USP46: variants seen among roughly 807,000 people sequenced by gnomAD.
USP46 encodes ubiquitin carboxyl-terminal hydrolase 46.
USP46 carries 12 observed loss-of-function variants against 44.4 expected under a neutral mutation model. The ratio of observed to expected loss-of-function variants is 0.27; its 90% confidence interval spans 0.17 to 0.44. USP46 has a LOEUF of 0.44. USP46 is among the 20% of genes least tolerant of loss of function. The pLI, the probability that USP46 is intolerant of heterozygous loss-of-function variation, is 1.00. For missense variants in USP46, 248 were observed against 444.8 expected, an observed-to-expected ratio of 0.56 and a Z score of 3.98; for synonymous variants, 155 against 161.5, an observed-to-expected ratio of 0.96 and a Z score of 0.31.
rs1447451845 is a variant in USP46, at chr4:52,591,169, T to C, written c.*6471A>G. The C allele has an allele frequency of 6.6e-6, 1 of 152,224 alleles. No homozygotes were observed. Among genetic ancestry groups the C allele is most frequent in the Non-Finnish European group, 1.5e-5 (1 of 68,050 alleles). 9.4% of individuals were successfully genotyped at this position (152,224 alleles called of 1,614,324 possible). A position where few individuals can be genotyped will look rare whatever the true frequency, so the allele number is the denominator to read the frequency against. On this transcript the variant is annotated 3_prime_UTR_variant, in exon 9 of 9. Coordinates refer to ENST00000441222, the MANE Select transcript of USP46 (RefSeq NM_022832.4). ...GTGAAGGCTCATTCTTAAAGTTTTC[T>C]CACGTTTATTTTCCATTTTCTTAGC...
chr4:52,643,868 C>T (rs971057906), intron 1 of USP46, among the ~76,000 whole-genome samples: 3 of 152,316 alleles, frequency 2.0e-5, no homozygotes, highest in South Asian at 4.1e-4. Flanking sequence ...TATGTAAATT[C>T]GGTTCCTGAG....
intron 4 of USP46, among the ~76,000 whole-genome samples, chr4:52,618,871 A>C (rs1023622344): frequency 2.6e-5 from 4 of 152,234 alleles, no homozygotes; most frequent in Admixed American, 2.6e-4. Flanking sequence ...AAACAAAGCA[A>C]TGAGGAGCTG....
intron 5 of USP46, 149 bp downstream of exon 5, chr4:52,610,392 A>G (rs1716895392): frequency 1.4e-6 from 1 of 694,816 alleles, no homozygotes; most frequent in African/African-American, 1.8e-5. Context: ...CAGACCACAT[A>G]ATCGCTCTTG....
chr4:52,610,928 T>A (rs748664822), intron 4 of USP46, among the ~76,000 whole-genome samples: 12 of 152,138 alleles, frequency 7.9e-5, no homozygotes, highest in Non-Finnish European at 1.8e-4. Flanking sequence ...TTATTAAATA[T>A]CCATATAGCC....
intron 1 of USP46, among the ~76,000 whole-genome samples, chr4:52,657,871 C>G (rs560000338): frequency 3.3e-5 from 5 of 152,334 alleles, no homozygotes; most frequent in Non-Finnish European, 7.3e-5. Flanking sequence ...AATTCCACCC[C>G]TGAGCTAACA....
chr4:52,655,327 T>G (rs1718911094), intron 1 of USP46: 1 of 152,264 alleles, frequency 6.6e-6, no homozygotes, highest in Admixed American at 6.5e-5. Context: ...GAGTATAGTC[T>G]GTGCCAACAC....
At chr4:52,635,281 C>T (rs1718068265) in intron 1 of USP46, among the ~76,000 whole-genome samples, 1 of 152,162 alleles carries the variant, frequency 6.6e-6, no homozygotes, top group Non-Finnish European at 1.5e-5. Context: ...TACGATCTGG[C>T]AAGAAAGCCA....
At chr4:52,658,239 C>G (rs1719028733) in intron 1 of USP46, 1 of 455,958 alleles carries the variant, frequency 2.2e-6, no homozygotes, top group African/African-American at 2.0e-5. Context: ...AGTGGAGGCG[C>G]CAGCAGGGTC....
At chr4:52,611,612 C>T (rs144319011) in intron 4 of USP46, among the ~76,000 whole-genome samples, 2 of 152,112 alleles carry the variant, frequency 1.3e-5, no homozygotes, top group Non-Finnish European at 2.9e-5. Flanking sequence ...GGGGGCCAGG[C>T]GTGGTGGCTC....
intron 4 of USP46, among the ~76,000 whole-genome samples, chr4:52,624,150 T>C (rs1159443748): frequency 6.6e-6 from 1 of 152,070 alleles, no homozygotes; most frequent in East Asian, 1.9e-4. Context: ...GTGTTAACAA[T>C]CACTGATCCT....
intron 6 of USP46, 93 bp downstream of exon 6, chr4:52,604,392 GGCTACAAGCCCAGGTA>G: frequency 3.5e-6 from 3 of 859,902 alleles, no homozygotes; most frequent in Non-Finnish European, 5.5e-6. Flanking sequence ...AAGGCTCCAT[GGCTACAAGCCCAGGTA>G]GCTGAGATTG....
At chr4:52,653,252 T>A (rs550259197) in intron 1 of USP46, among the ~76,000 whole-genome samples, 1 of 152,224 alleles carries the variant, frequency 6.6e-6, no homozygotes, top group African/African-American at 2.4e-5. Context: ...ACACCTATAA[T>A]CCTAGCACTT....
intron 4 of USP46, among the ~76,000 whole-genome samples, chr4:52,616,874 G>T (rs1717171599): frequency 6.6e-6 from 1 of 152,178 alleles, no homozygotes; most frequent in African/African-American, 2.4e-5. Context: ...TCTAATTAGT[G>T]TATGGATCAA....
chr4:52,659,035 G>A lies in USP46; in HGVS notation c.36+80C>T, dbSNP rs1719069307. 13 of 1,467,078 alleles carry A rather than the reference G, an allele frequency of 8.9e-6. No individual in the cohort carries two copies. The South Asian group carries it at 9.1e-5, about 10-fold the overall frequency. The allele number at this position is 1,467,078 out of a possible 1,614,324, so 90.9% of individuals were successfully genotyped here. ...CGCCGCCCCCGCCGCCCCAGCCACCGGGCGTGTGTGCAGCTCGGGCTTCCC... is the reference window on the plus strand; with the variant it reads ...CGCCGCCCCCGCCGCCCCAGCCACCAGGCGTGTGTGCAGCTCGGGCTTCCC... On this transcript the variant is annotated intron_variant, in intron 1 of 8. Coordinates refer to ENST00000441222, the MANE Select transcript of USP46 (RefSeq NM_022832.4). The surrounding 1 kb of genome is among the most constrained non-coding windows in gnomAD (Gnocchi z 4.2).
At position 52,597,660 on chromosome 4, in the gene USP46, A is replaced by G. The variant is rs1342693945; in HGVS notation, c.1081T>C (p.Phe361Leu). 2 of 1,591,798 alleles carry G rather than the reference A, an allele frequency of 1.3e-6. No homozygotes were observed. The highest frequency in any genetic ancestry group is 1.7e-6 in the Non-Finnish European group (2 of 1,167,608). ...SKNSESGYIL[F>L]YQSRE Reference sequence around the variant, plus strand: ...TTCAGTTACTCTCTTGACTGATAGAATAAAATATATCCAGATTCTGAATTT... The same window carrying G: ...TTCAGTTACTCTCTTGACTGATAGAGTAAAATATATCCAGATTCTGAATTT... Residue 361 changes from phenylalanine (F) to leucine (L), a missense_variant, in exon 9 of 9, where the codon TTC becomes CTC. This residue lies in a region of USP46 where 28 missense variants were observed against 28.5 expected (regional missense o/e 0.98). Transcript: ENST00000441222.
chr4:52,632,981 AAAGAAAAGAAAAGAAAGAAAGAAAGAAAG>A (rs1560406117), intron 1 of USP46, among the ~76,000 whole-genome samples: 1,269 of 62,550 alleles, frequency 0.02, 50 homozygotes, highest in African/African-American at 0.031. Context: ...AGAAAGAAAG[AAAGAAAAGAAAAGAAAGAAAGAAAGAAAG>A]AAAGAAAGAA....
chr4:52,609,333 T>C (rs571158697), intron 5 of USP46, among the ~76,000 whole-genome samples: 1 of 152,294 alleles, frequency 6.6e-6, no homozygotes, highest in East Asian at 1.9e-4. Flanking sequence ...GAAAGAAACA[T>C]ATCAGAAGAG....
rs138045519 is a variant in USP46 at position 52,646,158 on chromosome 4, A to G, written c.36+12957T>C. Among the ~76,000 whole-genome samples the G allele has an allele frequency of 5.6e-3, 850 of 152,292 alleles. 5 individuals are homozygous for G. The highest frequency in any genetic ancestry group is 0.017 in the Middle Eastern group (5 of 294). On this transcript the variant is annotated intron_variant, in intron 1 of 8. Transcript: ENST00000441222. ...ATTAATAGGGTGATTTCATCCTCCC[A>G]TCTTCTCATCCAAGCTCAAGGTCTT...
intron 4 of USP46, among the ~76,000 whole-genome samples, chr4:52,621,822 T>TA (rs1717385617): frequency 6.6e-6 from 1 of 152,190 alleles, no homozygotes; most frequent in African/African-American, 2.4e-5. Context: ...GACCAGGAGA[T>TA]AGTTTGTAGC....
Sources: gnomAD v4.1 joint callset for allele counts (sites outside exome capture counted in the v4.1 genomes callset) on GRCh38, gnomAD v4.1.1 for gene constraint, gnomAD v4.1.1 regional missense constraint, Gnocchi (gnomAD v3.1) non-coding constraint, MANE v1.5 for transcripts, NCBI Gene and HGNC (gene_info 2026-07-23, HGNC 2026-07-21) for gene names.